The following NIPAL3 variants were observed in gnomAD, a reference collection of about 807,000 sequenced individuals.
The protein encoded by NIPAL3 is NIPA like domain containing 3.
A neutral mutation model predicts 47.2 loss-of-function variants in NIPAL3; 41 were observed. The ratio of observed to expected loss-of-function variants is 0.87; its 90% confidence interval spans 0.68 to 1.13. NIPAL3 has a LOEUF of 1.13. Ranked by LOEUF, NIPAL3 falls within the 50% of genes most tolerant of loss-of-function variation. NIPAL3 has a pLI of 0.00. For missense variants in NIPAL3, 449 were observed against 530.1 expected (o/e 0.85, Z 1.50); for synonymous variants, 194 against 209.6 (o/e 0.93, Z 0.64).
At chr1:24,439,697 T>C (rs1645286982) in intron 2 of NIPAL3, among the ~76,000 whole-genome samples, 1 of 152,260 alleles carries the variant, frequency 6.6e-6, no homozygotes, top group Non-Finnish European at 1.5e-5. Context: ...TCATAGGTGA[T>C]GTAAATTAAC....
rs1158601293 is a variant in NIPAL3 at position 24,469,218 on chromosome 1, C to T, written c.*33C>T. On this transcript the variant is annotated 3_prime_UTR_variant, in exon 12 of 12. Coordinates refer to ENST00000374399, the MANE Select transcript of NIPAL3 (RefSeq NM_020448.5). The stretch of plus-strand genomic sequence containing the variant: ...CTCCCTCTATTTATAACTGTCCCCT[C>T]CAGGCTGACAGTGGTTCAACCCTGA... 1 of 1,572,562 alleles carries T rather than the reference C, an allele frequency of 6.4e-7. No homozygotes were observed. The highest frequency in any genetic ancestry group is 1.4e-5 in the African/African-American group (1 of 73,736).
At chr1:24,417,170 T>C (rs1380397437) in intron 1 of NIPAL3, among the ~76,000 whole-genome samples, 1 of 152,178 alleles carries the variant, frequency 6.6e-6, no homozygotes, top group African/African-American at 2.4e-5. Flanking sequence ...AGTCGGTTGG[T>C]ATGTATACAA....
chr1:24,428,029 C>A (rs116815264), intron 2 of NIPAL3, among the ~76,000 whole-genome samples: 9 of 152,066 alleles, frequency 5.9e-5, no homozygotes, highest in Non-Finnish European at 1.2e-4. Flanking sequence ...CCTTTGAGCC[C>A]AGGAGTTCGA....
At chr1:24,467,524 C>T (rs564178495) in intron 11 of NIPAL3, among the ~76,000 whole-genome samples, 3 of 152,198 alleles carry the variant, frequency 2.0e-5, no homozygotes, top group East Asian at 1.9e-4. Context: ...TTGAAACCCC[C>T]GAGTTTGGAC....
At chr1:24,459,485 G>T (rs1296794337) in intron 9 of NIPAL3, among the ~76,000 whole-genome samples, 1 of 152,070 alleles carries the variant, frequency 6.6e-6, no homozygotes, top group Non-Finnish European at 1.5e-5. Context: ...TTCTGTAGTG[G>T]CCTCAGAGGC....
chr1:24,452,003 C>G (rs1188189693), intron 6 of NIPAL3, among the ~76,000 whole-genome samples: 1 of 152,134 alleles, frequency 6.6e-6, no homozygotes, highest in Non-Finnish European at 1.5e-5. Flanking sequence ...TTTATGGTCT[C>G]TAATTAGAAG....
At chr1:24,447,248 G>A (rs971779763) in intron 5 of NIPAL3, among the ~76,000 whole-genome samples, 1 of 152,220 alleles carries the variant, frequency 6.6e-6, no homozygotes, top group Non-Finnish European at 1.5e-5. Context: ...ACTGATGCCT[G>A]CAAATCACTT....
Position 24,454,180 on chromosome 1 carries a change from C to T in NIPAL3, c.637+676C>T, listed in dbSNP as rs752760305. Reference sequence around the variant, plus strand: ...GTGCCAGGATTACAGGCATGAGGCCCTGTACCTGGCTAGAACTGCATATAA... The same window carrying T: ...GTGCCAGGATTACAGGCATGAGGCCTTGTACCTGGCTAGAACTGCATATAA... On this transcript the variant is annotated intron_variant, in intron 7 of 11. Coordinates refer to ENST00000374399, the MANE Select transcript of NIPAL3 (RefSeq NM_020448.5). The surrounding 1 kb of genome is among the most constrained non-coding windows in gnomAD (Gnocchi z 4.1). 16 of 1,221,322 alleles carry T rather than the reference C, an allele frequency of 1.3e-5. No individual in the cohort carries two copies. The highest frequency in any genetic ancestry group is 1.7e-5 in the Non-Finnish European group (16 of 962,652). The allele number at this position is 1,221,322 out of a possible 1,614,324, so 75.7% of individuals were successfully genotyped here.
intron 11 of NIPAL3, among the ~76,000 whole-genome samples, chr1:24,466,553 G>A (rs1380995894): frequency 6.6e-6 from 1 of 152,130 alleles, no homozygotes; most frequent in African/African-American, 2.4e-5. Flanking sequence ...CCAACCCAAA[G>A]CAAAGCCTCA....
Position 24,454,151 on chromosome 1 carries a change from C to T in NIPAL3, c.637+647C>T. ...AAGTGATCCCCCTGCCTCGGCCTCC[C>T]AAAGTGCCAGGATTACAGGCATGAG... On this transcript the variant is annotated intron_variant, in intron 7 of 11. Transcript: ENST00000374399. The surrounding 1 kb of genome is among the most constrained non-coding windows in gnomAD (Gnocchi z 4.1). The T allele has an allele frequency of 1.1e-5, 14 of 1,245,776 alleles. 1 individual carries two copies. In the South Asian group the frequency reaches 1.8e-4, roughly 16 times the overall value. The allele number at this position is 1,245,776 out of a possible 1,614,324, so 77.2% of individuals were successfully genotyped here.
intron 2 of NIPAL3, among the ~76,000 whole-genome samples, chr1:24,428,935 C>G (rs1228555816): frequency 6.6e-6 from 1 of 152,172 alleles, no homozygotes; most frequent in Admixed American, 6.5e-5. Context: ...CAGCTCTGCA[C>G]TTCCATGGTA....
intron 6 of NIPAL3, among the ~76,000 whole-genome samples, chr1:24,452,210 G>C (rs2148830585): frequency 6.6e-6 from 1 of 152,282 alleles, no homozygotes; most frequent in Admixed American, 6.5e-5. Context: ...TTAAGGGGTA[G>C]AAAGGAACAG....
At chr1:24,424,877 C>T (rs1020922131) in intron 2 of NIPAL3, among the ~76,000 whole-genome samples, 7 of 152,136 alleles carry the variant, frequency 4.6e-5, no homozygotes, top group Admixed American at 2.0e-4. Context: ...GCAGGCTGCT[C>T]GCAACTCATC....
At chr1:24,459,889 A>T (rs1646391165) in intron 9 of NIPAL3, among the ~76,000 whole-genome samples, 1 of 152,240 alleles carries the variant, frequency 6.6e-6, no homozygotes, top group South Asian at 2.1e-4. Flanking sequence ...TCAGGAATAC[A>T]GCTGGAGGCC....
intron 2 of NIPAL3, among the ~76,000 whole-genome samples, chr1:24,438,028 C>T (rs754770924): frequency 1.3e-5 from 2 of 152,178 alleles, no homozygotes; most frequent in Non-Finnish European, 2.9e-5. Context: ...CCCCTGAGAG[C>T]CTCTAACATG....
At position 24,415,893 on chromosome 1, in the gene NIPAL3, G is replaced by C; in HGVS notation, c.-269G>C. 1.0e-6 allele frequency: 1 copy of C among 985,414 alleles called. No homozygotes were observed. Among genetic ancestry groups the C allele is most frequent in the Non-Finnish European group, 1.2e-6 (1 of 829,896 alleles). The allele number at this position is 985,414 out of a possible 1,614,324, so 61.0% of individuals were successfully genotyped here. A position where few individuals can be genotyped will look rare whatever the true frequency, so the allele number is the denominator to read the frequency against. On this transcript the variant is annotated 5_prime_UTR_variant, in exon 1 of 12. Coordinates refer to ENST00000374399, the MANE Select transcript of NIPAL3 (RefSeq NM_020448.5). Reference sequence around the variant, plus strand: ...AGGTTTTGATAGGTGGGCCTTAGAGGAGACGCCGCCGGTGAGTAGTGATTA... The same window carrying C: ...AGGTTTTGATAGGTGGGCCTTAGAGCAGACGCCGCCGGTGAGTAGTGATTA...
At chr1:24,452,853 A>ATTTTTTTTTTTTTTTT (rs3054551) in intron 6 of NIPAL3, among the ~76,000 whole-genome samples, 3 of 124,216 alleles carry the variant, frequency 2.4e-5, no homozygotes, top group African/African-American at 3.1e-5. Context: ...CGCCCAGCTA[A>ATTTTTTTTTTTTTTTT]TTTTTTTTTT....
Position 24,451,093 on chromosome 1 carries a change from T to C in NIPAL3, c.540+1467T>C, listed in dbSNP as rs1367213704. Among the ~76,000 whole-genome samples, 2 of 152,248 alleles carry C rather than the reference T, an allele frequency of 1.3e-5. No individual in the cohort carries two copies. The highest frequency in any genetic ancestry group is 4.8e-5 in the African/African-American group (2 of 41,468). The stretch of plus-strand genomic sequence containing the variant: ...CCCTCTCTGTAAAGTGGCAAGAATC[T>C]CTGGACTTAAAATTGCTATTGGGAG... On this transcript the variant is annotated intron_variant, in intron 6 of 11. Transcript: ENST00000374399. The surrounding 1 kb of genome is among the most constrained non-coding windows in gnomAD (Gnocchi z 4.5).
At position 24,449,777 on chromosome 1, in the gene NIPAL3, C is replaced by A; in HGVS notation, c.540+151C>A. On this transcript the variant is annotated intron_variant, in intron 6 of 11. Coordinates refer to ENST00000374399, the MANE Select transcript of NIPAL3 (RefSeq NM_020448.5). This position sits in a 1 kb window ranked among gnomAD's most constrained non-coding sequence, Gnocchi z 4.5. Reference sequence around the variant, plus strand: ...GACCGTGCTTCTGGAGAGTACACAGCTCATGGCGAAATGCTTGTTTCATTT... The same window carrying A: ...GACCGTGCTTCTGGAGAGTACACAGATCATGGCGAAATGCTTGTTTCATTT... The A allele has an allele frequency of 1.3e-6, 1 of 778,796 alleles. No individual in the cohort carries two copies. The highest frequency in any genetic ancestry group is 2.0e-6 in the Non-Finnish European group (1 of 511,218). 48.2% of individuals were successfully genotyped at this position (778,796 alleles called of 1,614,324 possible). A position where few individuals can be genotyped will look rare whatever the true frequency, so the allele number is the denominator to read the frequency against.
Sources: gnomAD v4.1 joint callset for allele counts (sites outside exome capture counted in the v4.1 genomes callset) on GRCh38, gnomAD v4.1.1 for gene constraint, Gnocchi (gnomAD v3.1) non-coding constraint, MANE v1.5 for transcripts, NCBI Gene and HGNC (gene_info 2026-07-23, HGNC 2026-07-21) for gene names.